The following ACYP2 variants were observed in gnomAD, a reference collection of about 807,000 sequenced individuals.
The protein encoded by ACYP2 is acylphosphatase 2.
A neutral mutation model predicts 11.2 loss-of-function variants in ACYP2; 12 were observed. That is an observed-to-expected ratio of 1.08 (90% CI 0.69 to 1.74). The LOEUF (loss-of-function observed/expected upper bound fraction) is 1.74, where lower values mean the gene tolerates loss of function less well. Among genes scored for constraint, ACYP2 ranks in the 40% most tolerant of loss-of-function variants. The pLI is 0.00. For missense variants in ACYP2, 134 were observed against 101.9 expected, an observed-to-expected ratio of 1.31 and a Z score of -1.35; for synonymous variants, 43 against 32.2, an observed-to-expected ratio of 1.33 and a Z score of -1.13.
At chr2:54,134,382 A>G (rs1198722319) in intron 4 of ACYP2, among the ~76,000 whole-genome samples, 2 of 152,216 alleles carry the variant, frequency 1.3e-5, no homozygotes, top group African/African-American at 4.8e-5. Flanking sequence ...ATATCATTTC[A>G]TAAGTTTCAT....
chr2:54,141,811 C>T, intron 6 of ACYP2: 2 of 494,970 alleles, frequency 4.0e-6, no homozygotes, highest in South Asian at 7.6e-5. Context: ...GATTGTGTCA[C>T]ACATATGCTT....
chr2:54,013,230 A>C (rs1673477029), intron 2 of ACYP2, among the ~76,000 whole-genome samples: 1 of 108,888 alleles, frequency 9.2e-6, no homozygotes, highest in Non-Finnish European at 1.7e-5. Flanking sequence ...TGTTTTGGTC[A>C]ATATAACATT....
At chr2:53,985,354 G>A (rs555178425) in intron 2 of ACYP2, among the ~76,000 whole-genome samples, 2 of 152,084 alleles carry the variant, frequency 1.3e-5, no homozygotes, top group African/African-American at 2.4e-5. Context: ...GGTGTGAGCC[G>A]CTGCACCTGG....
chr2:54,029,079 G>T (rs142071334), intron 2 of ACYP2, among the ~76,000 whole-genome samples: 82 of 152,214 alleles, frequency 5.4e-4, no homozygotes, highest in Non-Finnish European at 1.1e-3. Context: ...GTAGGAGCAT[G>T]GCTTCAGCCT....
intron 6 of ACYP2, among the ~76,000 whole-genome samples, chr2:54,218,770 G>A (rs879928369): frequency 6.6e-6 from 1 of 152,094 alleles, no homozygotes; most frequent in African/African-American, 2.4e-5. Context: ...ATCACATGAG[G>A]CTTTTCCACC....
chr2:53,979,317 A>G (rs974793286), intron 2 of ACYP2, among the ~76,000 whole-genome samples: 1 of 152,078 alleles, frequency 6.6e-6, no homozygotes, highest in Non-Finnish European at 1.5e-5. Flanking sequence ...AAGTTTTAAA[A>G]TAGAAAAGCA....
At chr2:54,238,039 C>T (rs1198283808) in intron 6 of ACYP2, among the ~76,000 whole-genome samples, 2 of 152,162 alleles carry the variant, frequency 1.3e-5, no homozygotes, top group East Asian at 3.8e-4. Context: ...GCCTGGAACA[C>T]TGTTTTCAAG....
intron 6 of ACYP2, among the ~76,000 whole-genome samples, chr2:54,172,344 T>C (rs1455102961): frequency 6.6e-6 from 1 of 152,226 alleles, no homozygotes; most frequent in Non-Finnish European, 1.5e-5. Flanking sequence ...GCTTTTAAAA[T>C]TGAAGATGTT....
rs1297288836 is a variant in ACYP2 at position 54,029,302 on chromosome 2, A to C, written c.63-21656A>C. Among the ~76,000 whole-genome samples the C allele has an allele frequency of 3.3e-5, 5 of 152,166 alleles. 1 individual carries two copies. The South Asian group carries it at 1.0e-3, about 32-fold the overall frequency. ...TTTTCATCACACATATCAAGGGTAC[A>C]TACTACCAGCATAACCTCTCACTGT... is the stretch of plus-strand genomic sequence containing the variant. On this transcript the variant is annotated intron_variant, in intron 2 of 6. Transcript: ENST00000607452.
chr2:54,191,147 G>C (rs1054138026), intron 6 of ACYP2, among the ~76,000 whole-genome samples: 12 of 151,602 alleles, frequency 7.9e-5, no homozygotes. Flanking sequence ...GCTTTCCCCT[G>C]TGCCCCCAAC....
rs1409156423 is a variant in ACYP2 at position 54,026,551 on chromosome 2, T to C, written c.63-24407T>C. ...TCTACCATTTGATCCAGCAATCCCA[T>C]TACTGGGTATCTACCCAGAGGAAAA... On this transcript the variant is annotated intron_variant, in intron 2 of 6. Coordinates refer to ENST00000607452, the MANE Select transcript of ACYP2 (RefSeq NM_001320586.2). 5.1e-5 allele frequency among the ~76,000 whole-genome samples: 6 copies of C among 117,536 alleles called. No individual in the cohort carries two copies. The East Asian group carries it at 9.8e-4, about 19-fold the overall frequency. The allele number at this position is 117,536 out of a possible 152,430, so 77.1% of individuals were successfully genotyped here.
At chr2:53,981,911 A>T (rs560558584) in intron 2 of ACYP2, among the ~76,000 whole-genome samples, 1 of 152,324 alleles carries the variant, frequency 6.6e-6, no homozygotes, top group East Asian at 1.9e-4. Flanking sequence ...AATGATAAAA[A>T]ATTTATTAAA....
At chr2:54,035,026 A>AAAAAAAAAAC (rs1674810432) in intron 2 of ACYP2, among the ~76,000 whole-genome samples, 1 of 141,206 alleles carries the variant, frequency 7.1e-6, no homozygotes, top group Non-Finnish European at 1.5e-5. Context: ...AAAAAAAAAA[A>AAAAAAAAAAC]AAAAAAGCCT....
intron 6 of ACYP2, among the ~76,000 whole-genome samples, chr2:54,160,985 T>C (rs1682684904): frequency 6.6e-6 from 1 of 152,198 alleles, no homozygotes; most frequent in South Asian, 2.1e-4. Flanking sequence ...GATCTCAAAG[T>C]AGGACCTTGG....
intron 5 of ACYP2, among the ~76,000 whole-genome samples, chr2:54,138,268 A>T (rs1163737847): frequency 1.3e-5 from 2 of 152,148 alleles, no homozygotes; most frequent in East Asian, 3.8e-4. Flanking sequence ...TCTTGGATTG[A>T]TTATGATTTG....
chr2:54,262,532 G>A (rs931160534), intron 6 of ACYP2, among the ~76,000 whole-genome samples: 7 of 152,148 alleles, frequency 4.6e-5, no homozygotes, highest in African/African-American at 1.7e-4. Flanking sequence ...ATGGAAAATT[G>A]AAAATGAAAA....
chr2:54,035,386 C>T (rs1674839844), intron 2 of ACYP2, among the ~76,000 whole-genome samples: 1 of 151,528 alleles, frequency 6.6e-6, no homozygotes, highest in Admixed American at 6.6e-5. Flanking sequence ...CTGTCTCAGC[C>T]TTCCGAGTAG....
intron 4 of ACYP2, among the ~76,000 whole-genome samples, chr2:54,069,586 C>T (rs1270623870): frequency 4.6e-5 from 7 of 151,942 alleles, no homozygotes; most frequent in Non-Finnish European, 7.4e-5. Flanking sequence ...GGCATGAACC[C>T]GGGAGGCGGA....
chr2:54,051,676 A>G (rs1675873931), intron 3 of ACYP2: 3 of 678,980 alleles, frequency 4.4e-6, no homozygotes, highest in South Asian at 2.9e-5. Flanking sequence ...ATGAAAGGAT[A>G]TTGCTGCATA....
Sources: gnomAD v4.1 joint callset for allele counts (sites outside exome capture counted in the v4.1 genomes callset) on GRCh38, gnomAD v4.1.1 for gene constraint, MANE v1.5 for transcripts, NCBI Gene and HGNC (gene_info 2026-07-23, HGNC 2026-07-21) for gene names.